ATP2B1: variants seen among roughly 807,000 people sequenced by gnomAD.
ATP2B1 encodes the protein plasma membrane calcium-transporting ATPase 1.
Under a neutral mutation model 124.2 loss-of-function variants are expected in ATP2B1, and 14 were observed. That is an observed-to-expected ratio of 0.11 (90% CI 0.07 to 0.18). The LOEUF (loss-of-function observed/expected upper bound fraction) is 0.18, where lower values mean the gene tolerates loss of function less well. ATP2B1 is among the 10% of genes least tolerant of loss of function. The pLI, the probability that ATP2B1 is intolerant of heterozygous loss-of-function variation, is 1.00. For missense variants in ATP2B1, 763 were observed against 1,466.1 expected (o/e 0.52, Z 7.83); for synonymous variants, 449 against 492.4 (o/e 0.91, Z 1.17).
At chr12:89,685,334 T>C (rs186160834) in intron 1 of ATP2B1, among the ~76,000 whole-genome samples, 2 of 152,276 alleles carry the variant, frequency 1.3e-5, no homozygotes, top group Admixed American at 6.5e-5. Flanking sequence ...ACGAAATCAA[T>C]GTTTCACCAA....
chr12:89,677,962 A>C (rs1888832247), intron 1 of ATP2B1, among the ~76,000 whole-genome samples: 1 of 97,636 alleles, frequency 1.0e-5, no homozygotes, highest in Non-Finnish European at 2.2e-5. Flanking sequence ...AATTATATAT[A>C]TATATATATA....
At chr12:89,602,853 T>A (rs868001581) in intron 18 of ATP2B1, among the ~76,000 whole-genome samples, 190 bp downstream of exon 18, 2 of 152,330 alleles carry the variant, frequency 1.3e-5, no homozygotes, top group Middle Eastern at 6.8e-3. Flanking sequence ...GGTTGTGGCA[T>A]TTACTTCTAA....
chr12:89,664,971 C>T (rs929872665), intron 1 of ATP2B1, among the ~76,000 whole-genome samples: 3 of 151,854 alleles, frequency 2.0e-5, no homozygotes, highest in African/African-American at 7.3e-5. Context: ...GCTGGGATTA[C>T]AGGCATGCAC....
chr12:89,702,075 T>C (rs1891921464), intron 1 of ATP2B1, among the ~76,000 whole-genome samples: 1 of 152,208 alleles, frequency 6.6e-6, no homozygotes, highest in East Asian at 1.9e-4. Flanking sequence ...CAAGGTGAGA[T>C]GTTCCACTAA....
At chr12:89,607,165 G>A (rs769921989) in intron 15 of ATP2B1, among the ~76,000 whole-genome samples, 5 of 152,094 alleles carry the variant, frequency 3.3e-5, no homozygotes, top group Non-Finnish European at 5.9e-5. Flanking sequence ...AGTAGGCTTG[G>A]CAAATGTTCA....
intron 1 of ATP2B1, among the ~76,000 whole-genome samples, chr12:89,702,227 A>T (rs1891937212): frequency 6.6e-6 from 1 of 152,226 alleles, no homozygotes; most frequent in Non-Finnish European, 1.5e-5. Flanking sequence ...CCCCCAGGAA[A>T]TCCCTATTAA....
chr12:89,653,586 C>T (rs1222887716), intron 2 of ATP2B1, among the ~76,000 whole-genome samples: 3 of 152,074 alleles, frequency 2.0e-5, no homozygotes, highest in African/African-American at 7.2e-5. Context: ...CGTGAGCCAC[C>T]GCGCCCGGCC....
At chr12:89,699,254 T>G (rs1482630084) in intron 1 of ATP2B1, among the ~76,000 whole-genome samples, 1 of 152,212 alleles carries the variant, frequency 6.6e-6, no homozygotes, top group Non-Finnish European at 1.5e-5. Flanking sequence ...TTATGGCTTT[T>G]TTAAAAAAGA....
intron 6 of ATP2B1, among the ~76,000 whole-genome samples, chr12:89,628,113 C>T (rs1881195346): frequency 6.6e-6 from 1 of 151,898 alleles, no homozygotes. Context: ...TATAAAACGA[C>T]AACGGGCAGT....
chr12:89,662,539 G>A (rs1296626335), intron 1 of ATP2B1, among the ~76,000 whole-genome samples: 1 of 152,082 alleles, frequency 6.6e-6, no homozygotes, highest in Non-Finnish European at 1.5e-5. Context: ...GGGGCTTAAA[G>A]AAAACATACA....
chr12:89,626,343 C>T, intron 8 of ATP2B1, 111 bp downstream of exon 8: 1 of 1,154,690 alleles, frequency 8.7e-7, no homozygotes, highest in Non-Finnish European at 1.2e-6. Flanking sequence ...TTTCAAACTC[C>T]CCTTCTATTC....
intron 15 of ATP2B1, among the ~76,000 whole-genome samples, chr12:89,609,600 TACAC>T (rs891361190): frequency 1.2e-4 from 19 of 152,274 alleles, no homozygotes; most frequent in African/African-American, 4.1e-4. Flanking sequence ...TTAATTTAAA[TACAC>T]ACAACTATTC....
chr12:89,697,597 T>C (rs1269606380), intron 1 of ATP2B1, among the ~76,000 whole-genome samples: 1 of 151,996 alleles, frequency 6.6e-6, no homozygotes, highest in East Asian at 1.9e-4. Flanking sequence ...ACTTATTTCA[T>C]ACATGTATTC....
chr12:89,661,805 CAT>C (rs1350881822), intron 1 of ATP2B1, among the ~76,000 whole-genome samples: 3 of 152,210 alleles, frequency 2.0e-5, no homozygotes, highest in Non-Finnish European at 4.4e-5. Context: ...TGCACACAGA[CAT>C]AGTTACACCA....
chr12:89,640,713 A>G (rs1023518531), intron 3 of ATP2B1, among the ~76,000 whole-genome samples: 14 of 152,094 alleles, frequency 9.2e-5, no homozygotes, highest in Admixed American at 8.5e-4. Flanking sequence ...TGGGGGTGGA[A>G]CCCTCATGAA....
In ATP2B1 at chr12:89,688,744, T is replaced by G. The variant is rs539142655; in HGVS notation, c.-222+19852A>C. ...TGATCCTTACTGCAGGGTCTTGGGG[T>G]AGGTTGCTGTGTACCTGGGACTCAG... is the stretch of plus-strand genomic sequence containing the variant. On this transcript the variant is annotated intron_variant, in intron 1 of 20. Coordinates refer to ENST00000428670, the MANE Select transcript of ATP2B1 (RefSeq NM_001366521.1). Among the ~76,000 whole-genome samples the G allele has an allele frequency of 7.4e-4, 112 of 152,150 alleles. 3 individuals carry two copies. The South Asian group carries it at 0.023, about 31-fold the overall frequency.
chr12:89,620,915 G>C (rs939477851), intron 10 of ATP2B1, among the ~76,000 whole-genome samples: 2 of 152,076 alleles, frequency 1.3e-5, no homozygotes, highest in Admixed American at 6.5e-5. Flanking sequence ...TTTCCCTAAT[G>C]AACAGCTTGC....
Position 89,603,023 on chromosome 12 carries a change from T to C in ATP2B1, c.3060+20A>G, listed in dbSNP as rs765617878. On this transcript the variant is annotated intron_variant, in intron 18 of 20. Coordinates refer to ENST00000428670, the MANE Select transcript of ATP2B1 (RefSeq NM_001366521.1). This position sits in a 1 kb window ranked among gnomAD's most constrained non-coding sequence, Gnocchi z 4.3. ...CCCATTTAACAGGCAAATTTGAAAC[T>C]ATCTTTTCCAATTACCCACCTGTAC... 35 of 1,605,420 alleles carry C rather than the reference T, an allele frequency of 2.2e-5. No homozygotes were observed. The highest frequency in any genetic ancestry group is 2.9e-5 in the Non-Finnish European group (34 of 1,173,662).
chr12:89,676,921 C>A (rs1888678727), intron 1 of ATP2B1, among the ~76,000 whole-genome samples: 1 of 152,056 alleles, frequency 6.6e-6, no homozygotes, highest in African/African-American at 2.4e-5. Flanking sequence ...TACACGGTGG[C>A]AAATCAAATT....
Sources: allele counts gnomAD v4.1 joint callset (sites outside exome capture counted in the v4.1 genomes callset), GRCh38; gene constraint gnomAD v4.1.1; non-coding constraint Gnocchi (gnomAD v3.1); transcripts MANE v1.5; gene names NCBI Gene and HGNC (gene_info 2026-07-23, HGNC 2026-07-21).